The following GREB1L variants were observed in gnomAD, a reference collection of about 807,000 sequenced individuals.
GREB1L encodes GREB1 like retinoic acid receptor coactivator, also known as GREB1-like protein.
In GREB1L, 17 loss-of-function variants were observed where a neutral mutation model predicts 200.8. The ratio of observed to expected loss-of-function variants is 0.08; its 90% confidence interval spans 0.06 to 0.13. The LOEUF is 0.13. Ranked by LOEUF, GREB1L falls within the 10% of genes least tolerant of loss-of-function variation. The pLI, the probability that GREB1L is intolerant of heterozygous loss-of-function variation, is 1.00. For missense variants in GREB1L, 1,657 were observed against 2,367.7 expected (o/e 0.70, Z 6.23); for synonymous variants, 789 against 893.0 (o/e 0.88, Z 2.08).
chr18:21,318,495 C>A (rs904197838), intron 1 of GREB1L, among the ~76,000 whole-genome samples: 3 of 152,136 alleles, frequency 2.0e-5, no homozygotes, highest in African/African-American at 7.2e-5. Flanking sequence ...ATAATGCGAT[C>A]TTCACAACAG....
At chr18:21,247,837 A>C (rs181609646) in intron 1 of GREB1L, among the ~76,000 whole-genome samples, 1 of 152,284 alleles carries the variant, frequency 6.6e-6, no homozygotes, top group Admixed American at 6.5e-5. Context: ...GTAGAGTTGC[A>C]CTTAGAGCTT....
At chr18:21,390,993 T>G (rs1489744540) in intron 4 of GREB1L, among the ~76,000 whole-genome samples, 2 of 152,168 alleles carry the variant, frequency 1.3e-5, no homozygotes, top group Non-Finnish European at 2.9e-5. Context: ...TTTTAAAAGT[T>G]AAAAAGGTGA....
At chr18:21,276,310 C>A (rs1277564238) in intron 1 of GREB1L, among the ~76,000 whole-genome samples, 8 of 152,168 alleles carry the variant, frequency 5.3e-5, no homozygotes, top group Non-Finnish European at 1.2e-4. Context: ...AACTCTCCAA[C>A]CATTTATTCT....
intron 1 of GREB1L, among the ~76,000 whole-genome samples, chr18:21,328,531 T>C (rs2039058910): frequency 6.6e-6 from 1 of 152,216 alleles, no homozygotes; most frequent in Non-Finnish European, 1.5e-5. Flanking sequence ...TGGCCTGCCC[T>C]GATCTTCTTT....
intron 1 of GREB1L, among the ~76,000 whole-genome samples, chr18:21,355,305 T>C (rs2039488153): frequency 6.6e-6 from 1 of 152,066 alleles, no homozygotes; most frequent in South Asian, 2.1e-4. Flanking sequence ...GCAATTCTTC[T>C]GCCTTAGCCT....
chr18:21,487,278 G>C (rs918074545), intron 18 of GREB1L, among the ~76,000 whole-genome samples: 1 of 152,216 alleles, frequency 6.6e-6, no homozygotes, highest in African/African-American at 2.4e-5. Flanking sequence ...TACAAAAGTT[G>C]TAAGTATAGT....
chr18:21,516,477 C>T (rs917153172), intron 29 of GREB1L, 136 bp from the exon 30 acceptor site: 16 of 803,744 alleles, frequency 2.0e-5, no homozygotes, highest in Admixed American at 5.7e-5. Flanking sequence ...GTCAGTGTTA[C>T]GAGGGCCAGC....
At position 21,444,324 on chromosome 18, in the gene GREB1L, T is replaced by C. The variant is rs2034086161; in HGVS notation, c.1308T>C (p.Asp436=). 5 of 1,552,158 alleles carry C rather than the reference T, an allele frequency of 3.2e-6. No homozygotes were observed. In the East Asian group the frequency reaches 1.2e-4, roughly 38 times the overall value. The part of the protein sequence containing the change: ...CYKIPQLENK[D]LEKLGLTGSQ... ...AGATTCCACAGTTGGAAAACAAAGATTTGGAAAAATTAGGGTTGACCGGCA... is the reference window on the plus strand; with the variant it reads ...AGATTCCACAGTTGGAAAACAAAGACTTGGAAAAATTAGGGTTGACCGGCA... Residue 436 remains aspartate (D), a synonymous_variant, in exon 11 of 33, where the codon GAT becomes GAC. Coordinates refer to ENST00000424526, the MANE Select transcript of GREB1L (RefSeq NM_001142966.3).
At chr18:21,495,927 A>G (rs1455205742) in intron 20 of GREB1L, 142 bp downstream of exon 20, 3 of 549,056 alleles carry the variant, frequency 5.5e-6, no homozygotes, top group Non-Finnish European at 9.5e-6. Context: ...CAAGAAATAC[A>G]GCCATACAAC....
chr18:21,338,234 G>A (rs2039217581), intron 1 of GREB1L, among the ~76,000 whole-genome samples: 1 of 152,154 alleles, frequency 6.6e-6, no homozygotes, highest in South Asian at 2.1e-4. Context: ...ACTGACTCAT[G>A]AATCTCTGAG....
chr18:21,270,945 A>C (rs984436930), intron 1 of GREB1L, among the ~76,000 whole-genome samples: 5 of 152,226 alleles, frequency 3.3e-5, no homozygotes, highest in African/African-American at 1.2e-4. Context: ...CTTAGTAATA[A>C]AAAAACAGGT....
At chr18:21,259,198 A>T in intron 1 of GREB1L, among the ~76,000 whole-genome samples, 1 of 152,182 alleles carries the variant, frequency 6.6e-6, no homozygotes, top group East Asian at 1.9e-4. Flanking sequence ...TTTAAAAAGG[A>T]TTTGAAGTAA....
chr18:21,246,011 C>T lies in GREB1L; in HGVS notation c.-120+3618C>T, dbSNP rs546731673. Among the ~76,000 whole-genome samples the T allele has an allele frequency of 2.8e-3, 425 of 152,342 alleles. 1 individual carries two copies. The highest frequency in any genetic ancestry group is 9.3e-3 in the African/African-American group (386 of 41,572). ...TGCTGGGATTACAGGCGTGAGCCAC[C>T]ATGCCTGGCCTATAATGCCTATTCT... On this transcript the variant is annotated intron_variant, in intron 1 of 32. Transcript: ENST00000424526.
At chr18:21,412,398 G>A (rs1187171221) in intron 7 of GREB1L, among the ~76,000 whole-genome samples, 3 of 152,254 alleles carry the variant, frequency 2.0e-5, no homozygotes, top group African/African-American at 7.2e-5. Flanking sequence ...GGGCAACAGA[G>A]TGACACCCTG....
chr18:21,430,608 TA>T (rs1555645925), intron 7 of GREB1L, among the ~76,000 whole-genome samples: 14 of 120,134 alleles, frequency 1.2e-4, no homozygotes, highest in Non-Finnish European at 1.7e-4. Flanking sequence ...TTTTTTTTTT[TA>T]ATTTGAGACG....
chr18:21,396,083 C>G (rs561346251), intron 5 of GREB1L, among the ~76,000 whole-genome samples: 1 of 148,448 alleles, frequency 6.7e-6, no homozygotes, highest in African/African-American at 2.5e-5. Context: ...TTGCTCTTGT[C>G]ACCCAGGCTG....
chr18:21,460,672 A>G (rs1460671732), intron 15 of GREB1L, among the ~76,000 whole-genome samples: 2 of 151,888 alleles, frequency 1.3e-5, no homozygotes, highest in African/African-American at 2.4e-5. Flanking sequence ...TCTCTCTCCC[A>G]TTCTCCACAG....
At chr18:21,426,970 A>ACC (rs1411390660) in intron 7 of GREB1L, among the ~76,000 whole-genome samples, 1 of 79,886 alleles carries the variant, frequency 1.3e-5, no homozygotes, top group African/African-American at 1.4e-4. Flanking sequence ...AAAAAAAAAA[A>ACC]AACAAAAAAA....
intron 1 of GREB1L, among the ~76,000 whole-genome samples, chr18:21,349,774 T>G (rs1323889453): frequency 6.6e-6 from 1 of 152,144 alleles, no homozygotes; most frequent in Non-Finnish European, 1.5e-5. Context: ...TTCAGGGCTC[T>G]CACTGATTCT....
Sources: allele counts gnomAD v4.1 joint callset (sites outside exome capture counted in the v4.1 genomes callset), GRCh38; gene constraint gnomAD v4.1.1; transcripts MANE v1.5; gene names NCBI Gene and HGNC (gene_info 2026-07-23, HGNC 2026-07-21).